CPEB3: variants seen among roughly 807,000 people sequenced by gnomAD.
CPEB3 encodes the protein cytoplasmic polyadenylation element binding protein 3.
CPEB3 carries 20 observed loss-of-function variants against 67.2 expected under a neutral mutation model. The observed-to-expected ratio is 0.30, with a 90% CI of 0.21 to 0.43. The LOEUF is 0.43. Among genes scored for constraint, CPEB3 ranks in the 20% least tolerant of loss-of-function variants. The pLI, the probability that CPEB3 is intolerant of heterozygous loss-of-function variation, is 1.00. For synonymous variants in CPEB3, 376 were observed against 393.1 expected, an observed-to-expected ratio of 0.96 and a Z score of 0.51; for missense variants, 746 against 968.6, an observed-to-expected ratio of 0.77 and a Z score of 3.05.
chr10:92,147,465 A>C (rs1846741997), intron 4 of CPEB3, among the ~76,000 whole-genome samples: 2 of 152,070 alleles, frequency 1.3e-5, no homozygotes, highest in African/African-American at 4.8e-5. Flanking sequence ...CAAAAAAAAA[A>C]CATTAACTTA....
At chr10:92,163,831 G>T (rs1847610914) in intron 4 of CPEB3, among the ~76,000 whole-genome samples, 1 of 152,164 alleles carries the variant, frequency 6.6e-6, no homozygotes, top group Non-Finnish European at 1.5e-5. Flanking sequence ...AGGTAAAAAA[G>T]ATGCTTGAAG....
At chr10:92,289,732 A>AAAAAAAAAAAATAT in intron 1 of CPEB3, among the ~76,000 whole-genome samples, 17 of 75,766 alleles carry the variant, frequency 2.2e-4, no homozygotes, top group African/African-American at 3.1e-4. Flanking sequence ...AAAAAAAAAA[A>AAAAAAAAAAAATAT]ATATATATAT....
intron 1 of CPEB3, among the ~76,000 whole-genome samples, chr10:92,247,878 C>A (rs1374600439): frequency 6.6e-6 from 1 of 151,992 alleles, no homozygotes; most frequent in East Asian, 1.9e-4. Context: ...CACTGCCCCC[C>A]ATCCTTTGTT....
At chr10:92,131,200 T>G (rs1845828421) in intron 6 of CPEB3, among the ~76,000 whole-genome samples, 1 of 152,170 alleles carries the variant, frequency 6.6e-6, no homozygotes, top group Non-Finnish European at 1.5e-5. Context: ...GGAGATTAGA[T>G]TCTCTTCTTG....
At chr10:92,122,711 G>A (rs1304168775) in intron 6 of CPEB3, among the ~76,000 whole-genome samples, 2 of 152,170 alleles carry the variant, frequency 1.3e-5, no homozygotes, top group Non-Finnish European at 2.9e-5. Context: ...ACAGAAAGAA[G>A]AAAGATCACT....
At chr10:92,177,633 G>C (rs907693110) in intron 4 of CPEB3, among the ~76,000 whole-genome samples, 2 of 152,152 alleles carry the variant, frequency 1.3e-5, no homozygotes, top group East Asian at 1.9e-4. Flanking sequence ...TTCCATAGTG[G>C]TATCCTATCT....
chr10:92,137,484 G>T, intron 6 of CPEB3: 1 of 1,169,128 alleles, frequency 8.6e-7, no homozygotes. Flanking sequence ...AGGTGGTTTT[G>T]CTATCAGCCA....
At chr10:92,121,958 G>A (rs1468948756) in intron 6 of CPEB3, among the ~76,000 whole-genome samples, 1 of 152,134 alleles carries the variant, frequency 6.6e-6, no homozygotes, top group Non-Finnish European at 1.5e-5. Context: ...TTGGCTTTCA[G>A]GTCAGAGGAC....
At position 92,273,217 on chromosome 10, in the gene CPEB3, C is replaced by A. The variant is rs537403351; in HGVS notation, c.-12+17709G>T. Among the ~76,000 whole-genome samples the A allele has an allele frequency of 4.6e-5, 7 of 152,004 alleles. No individual in the cohort carries two copies. In the South Asian group the frequency reaches 1.5e-3, roughly 32 times the overall value. The stretch of plus-strand genomic sequence containing the variant: ...TTCTTTTATTTTTTCCCATCTATGC[C>A]CTTTGTCTAGATCCATATATTGTAA... On this transcript the variant is annotated intron_variant, in intron 1 of 9. Transcript: ENST00000265997.
At position 92,192,641 on chromosome 10, in the gene CPEB3, G is replaced by A. The variant is rs2134177260; in HGVS notation, c.1006-5C>T. ...ATCATAGGGCCTACTCCGGTCCTAA[G>A]AATAAAAACAAAAACAAGACAATAC... On this transcript the variant is annotated splice_region_variant and splice_polypyrimidine_tract_variant and intron_variant, in intron 2 of 9. Coordinates refer to ENST00000265997, the MANE Select transcript of CPEB3 (RefSeq NM_014912.5). The A allele has an allele frequency of 6.4e-7, 1 of 1,565,852 alleles. No individual in the cohort carries two copies.
intron 4 of CPEB3, among the ~76,000 whole-genome samples, chr10:92,155,210 A>T (rs944839228): frequency 3.9e-5 from 6 of 152,360 alleles, no homozygotes; most frequent in Admixed American, 1.3e-4. Context: ...CTCTGTCTCA[A>T]AAAAAGAAAA....
intron 7 of CPEB3, among the ~76,000 whole-genome samples, chr10:92,101,547 A>T (rs1215226601): frequency 6.6e-6 from 1 of 152,136 alleles, no homozygotes; most frequent in Non-Finnish European, 1.5e-5. Flanking sequence ...CCCAGCTGTC[A>T]GCAATTCTAT....
At chr10:92,098,961 A>AGGGTTTCACCATGTTGGCCAGGC (rs1186626280) in intron 7 of CPEB3, among the ~76,000 whole-genome samples, 1 of 151,558 alleles carries the variant, frequency 6.6e-6, no homozygotes, top group Non-Finnish European at 1.5e-5. Flanking sequence ...TAGTAGAGAC[A>AGGGTTTCACCATGTTGGCCAGGC]GGGTTTCACC....
intron 1 of CPEB3, among the ~76,000 whole-genome samples, chr10:92,260,464 T>C (rs1025809328): frequency 6.8e-6 from 1 of 146,904 alleles, no homozygotes; most frequent in Non-Finnish European, 1.5e-5. Flanking sequence ...GACAGGAGAA[T>C]CACTTGAACC....
chr10:92,082,262 GCCTT>G (rs1843183473), intron 8 of CPEB3, among the ~76,000 whole-genome samples: 1 of 139,290 alleles, frequency 7.2e-6, no homozygotes, highest in African/African-American at 3.0e-5. Flanking sequence ...TTCTAAATAT[GCCTT>G]TGTTTGTTTG....
intron 4 of CPEB3, among the ~76,000 whole-genome samples, chr10:92,164,804 C>T (rs1847658503): frequency 6.6e-6 from 1 of 152,158 alleles, no homozygotes; most frequent in Non-Finnish European, 1.5e-5. Flanking sequence ...TTCACAGCCT[C>T]CATTATCCTG....
At chr10:92,200,802 C>A (rs1312975147) in intron 2 of CPEB3, among the ~76,000 whole-genome samples, 3 of 151,958 alleles carry the variant, frequency 2.0e-5, no homozygotes, top group Non-Finnish European at 4.4e-5. Context: ...TTTGCCAAGT[C>A]TTTTCATGTT....
intron 2 of CPEB3, among the ~76,000 whole-genome samples, chr10:92,214,420 G>A (rs1850242299): frequency 6.6e-6 from 1 of 151,956 alleles, no homozygotes; most frequent in Non-Finnish European, 1.5e-5. Flanking sequence ...ATAAATTTCT[G>A]TTCTTTGTAA....
At chr10:92,200,261 C>T (rs1176198105) in intron 2 of CPEB3, among the ~76,000 whole-genome samples, 1 of 152,006 alleles carries the variant, frequency 6.6e-6, no homozygotes, top group African/African-American at 2.4e-5. Flanking sequence ...TTAGGGCATA[C>T]AGGCCGGGCA....
Sources: gnomAD v4.1 joint callset for allele counts (sites outside exome capture counted in the v4.1 genomes callset) on GRCh38, gnomAD v4.1.1 for gene constraint, MANE v1.5 for transcripts, NCBI Gene and HGNC (gene_info 2026-07-23, HGNC 2026-07-21) for gene names.